The following RGS13 variants were observed in gnomAD, a reference collection of about 807,000 sequenced individuals.
RGS13 encodes regulator of G protein signaling 13.
A neutral mutation model predicts 19.9 loss-of-function variants in RGS13; 14 were observed. The observed-to-expected ratio is 0.70, with a 90% confidence interval of 0.46 to 1.10. The LOEUF (loss-of-function observed/expected upper bound fraction) is 1.10. Among genes scored for constraint, RGS13 ranks in the 50% least tolerant of loss-of-function variants. RGS13 has a pLI of 0.00. For synonymous variants in RGS13, 60 were observed against 56.8 expected (o/e 1.06, Z -0.25); for missense variants, 205 against 187.1 (o/e 1.10, Z -0.56).
intron 4 of RGS13, 121 bp from the exon 5 acceptor site, chr1:192,647,805 C>A: frequency 2.1e-6 from 1 of 480,760 alleles, no homozygotes. Context: ...CAACCAAAGC[C>A]ACACACAAAT....
chr1:192,639,982 T>C (rs540049270), intron 3 of RGS13, among the ~76,000 whole-genome samples: 4 of 152,130 alleles, frequency 2.6e-5, no homozygotes, highest in African/African-American at 9.7e-5. Flanking sequence ...GACACACATT[T>C]GAGTTACAGA....
At chr1:192,651,862 A>G (rs1273385244) in intron 5 of RGS13, among the ~76,000 whole-genome samples, 1 of 152,066 alleles carries the variant, frequency 6.6e-6, no homozygotes, top group East Asian at 1.9e-4. Flanking sequence ...GAGGAGGTAT[A>G]AAATAGTTTC....
intron 3 of RGS13, among the ~76,000 whole-genome samples, chr1:192,643,536 T>G (rs958473042): frequency 2.0e-5 from 3 of 151,632 alleles, no homozygotes; most frequent in Admixed American, 6.6e-5. Flanking sequence ...TAAAACCAGA[T>G]AAGCAGCACC....
rs1663015830 is a variant in RGS13, at chr1:192,636,153, A to G, written c.-280A>G. The stretch of plus-strand genomic sequence containing the variant: ...GTGTAAAAACAGAACATTCATACTG[A>G]GGCCAGAGTGCCATCGAAGGTAATT... On this transcript the variant is annotated 5_prime_UTR_variant, in exon 1 of 7. Coordinates refer to ENST00000391995, the MANE Select transcript of RGS13 (RefSeq NM_002927.5). The G allele has an allele frequency of 6.6e-6, 1 of 152,058 alleles. No homozygotes were observed. The highest frequency in any genetic ancestry group is 1.5e-5 in the Non-Finnish European group (1 of 67,972). The allele number at this position is 152,058 out of a possible 1,614,324, so 9.4% of individuals were successfully genotyped here. A position where few individuals can be genotyped will look rare whatever the true frequency, so the allele number is the denominator to read the frequency against.
intron 3 of RGS13, among the ~76,000 whole-genome samples, chr1:192,639,780 T>C (rs1663074950): frequency 6.6e-6 from 1 of 152,118 alleles, no homozygotes; most frequent in Non-Finnish European, 1.5e-5. Context: ...CTGTCTGGCT[T>C]CAGGCCCCAG....
At chr1:192,656,347 T>G (rs1288647622) in intron 5 of RGS13, among the ~76,000 whole-genome samples, 1 of 136,486 alleles carries the variant, frequency 7.3e-6, no homozygotes, top group Admixed American at 7.7e-5. Context: ...AACATTCTGT[T>G]TTTTTTTTTT....
intron 5 of RGS13, among the ~76,000 whole-genome samples, chr1:192,657,844 G>A (rs902067386): frequency 5.3e-5 from 8 of 151,988 alleles, no homozygotes; most frequent in Non-Finnish European, 1.0e-4. Flanking sequence ...TAGATTTTTC[G>A]TGTCAGCTTC....
At chr1:192,636,836 AATTTCT>A (rs1663026091) in intron 1 of RGS13, among the ~76,000 whole-genome samples, 2 of 151,902 alleles carry the variant, frequency 1.3e-5, no homozygotes, top group African/African-American at 2.4e-5. Context: ...ACTATGCACA[AATTTCT>A]TGAATTTTTT....
intron 5 of RGS13, among the ~76,000 whole-genome samples, chr1:192,648,700 C>G (rs1663262949): frequency 6.6e-6 from 1 of 151,986 alleles, no homozygotes; most frequent in African/African-American, 2.4e-5. Context: ...TGGTTCCCCT[C>G]AATGCTTGTT....
chr1:192,643,264 A>C (rs4357510), intron 3 of RGS13, among the ~76,000 whole-genome samples: 128,534 of 152,148 alleles, frequency 0.84, 55,991 homozygotes, highest in Non-Finnish European at 0.95. Flanking sequence ...AAGTATTCAA[A>C]AGACTTTTGA....
intron 5 of RGS13, among the ~76,000 whole-genome samples, chr1:192,654,012 T>C (rs1663391888): frequency 6.6e-6 from 1 of 151,830 alleles, no homozygotes; most frequent in South Asian, 2.1e-4. Context: ...AATGACGAGT[T>C]AATGGGTGCA....
At chr1:192,645,536 C>T (rs967639877) in intron 4 of RGS13, 1 of 152,132 alleles carries the variant, frequency 6.6e-6, no homozygotes, top group Non-Finnish European at 1.5e-5. Flanking sequence ...CTAGGACTGT[C>T]AGAGACTCCA....
intron 3 of RGS13, 60 bp from the exon 4 acceptor site, chr1:192,644,271 C>T: frequency 1.7e-6 from 2 of 1,209,964 alleles, no homozygotes; most frequent in Non-Finnish European, 2.4e-6. Flanking sequence ...TAGAAACTGA[C>T]TGTAACATAC....
At chr1:192,650,223 G>T (rs1663311247) in intron 5 of RGS13, among the ~76,000 whole-genome samples, 2 of 151,996 alleles carry the variant, frequency 1.3e-5, no homozygotes, top group South Asian at 4.2e-4. Context: ...ATAAGCAAAG[G>T]CTCTAGCAAA....
chr1:192,649,748 C>A (rs546197563), intron 5 of RGS13, among the ~76,000 whole-genome samples: 4 of 152,202 alleles, frequency 2.6e-5, no homozygotes, highest in African/African-American at 9.6e-5. Flanking sequence ...TGTTCAAAGT[C>A]CTTTTCATCT....
At chr1:192,648,975 G>A (rs1663268499) in intron 5 of RGS13, among the ~76,000 whole-genome samples, 1 of 152,014 alleles carries the variant, frequency 6.6e-6, no homozygotes, top group Admixed American at 6.6e-5. Context: ...CAGCCCAGAG[G>A]GTAATGGCAG....
At chr1:192,641,282 G>GAA (rs1482007455) in intron 3 of RGS13, among the ~76,000 whole-genome samples, 4 of 107,432 alleles carry the variant, frequency 3.7e-5, no homozygotes, top group African/African-American at 1.1e-4. Flanking sequence ...AAGAAAGAAA[G>GAA]AAAGAAAGAA....
chr1:192,651,997 C>G (rs979384722), intron 5 of RGS13, among the ~76,000 whole-genome samples: 5 of 152,032 alleles, frequency 3.3e-5, no homozygotes, highest in African/African-American at 1.2e-4. Context: ...TTTTCTCTGG[C>G]TTGTTCAGGT....
chr1:192,642,390 C>G (rs574419528), intron 3 of RGS13, among the ~76,000 whole-genome samples: 1 of 150,066 alleles, frequency 6.7e-6, no homozygotes, highest in Admixed American at 6.7e-5. Flanking sequence ...GGTGTGATCA[C>G]GGCACACTGC....
Sources: allele counts gnomAD v4.1 joint callset (sites outside exome capture counted in the v4.1 genomes callset), GRCh38; gene constraint gnomAD v4.1.1; transcripts MANE v1.5; gene names NCBI Gene and HGNC (gene_info 2026-07-23, HGNC 2026-07-21).